Variants in FSTL4 observed in about 807,000 individuals in gnomAD.
FSTL4 encodes follistatin like 4.
In FSTL4, 28 loss-of-function variants were observed where a neutral mutation model predicts 78.2. The observed-to-expected ratio is 0.36, with a 90% confidence interval of 0.27 to 0.49. FSTL4 has a LOEUF of 0.49. Ranked by LOEUF, FSTL4 falls within the 20% of genes least tolerant of loss-of-function variation. The pLI, the probability that FSTL4 is intolerant of heterozygous loss-of-function variation, is 0.98. For synonymous variants in FSTL4, 422 were observed against 440.5 expected (o/e 0.96, Z 0.53); for missense variants, 922 against 1,084.9 (o/e 0.85, Z 2.11).
intron 2 of FSTL4, among the ~76,000 whole-genome samples, chr5:133,580,464 A>G (rs1436591247): frequency 2.0e-5 from 3 of 152,188 alleles, no homozygotes; most frequent in Non-Finnish European, 4.4e-5. Flanking sequence ...GTCCTTATGA[A>G]GCTTAGGATC....
chr5:133,526,775 C>A (rs11741183), intron 3 of FSTL4, among the ~76,000 whole-genome samples: 1 of 151,862 alleles, frequency 6.6e-6, no homozygotes, highest in African/African-American at 2.4e-5. Flanking sequence ...GGGATGAATG[C>A]GAAACAGGAG....
At chr5:133,723,843 C>A in the FSTL4 span, among the ~76,000 whole-genome samples, 3 of 152,184 alleles carry the variant, frequency 2.0e-5, no homozygotes, top group Non-Finnish European at 4.4e-5. Flanking sequence ...GCTGGGGAAC[C>A]ACTTCAGCTC....
At chr5:133,557,888 G>A (rs1759822668) in intron 3 of FSTL4, among the ~76,000 whole-genome samples, 1 of 152,210 alleles carries the variant, frequency 6.6e-6, no homozygotes, top group Non-Finnish European at 1.5e-5. Context: ...CACTGGTACA[G>A]TGTGCCCTTA....
At chr5:133,285,494 A>G (rs1753108719) in intron 6 of FSTL4, among the ~76,000 whole-genome samples, 1 of 152,154 alleles carries the variant, frequency 6.6e-6, no homozygotes, top group Non-Finnish European at 1.5e-5. Context: ...TTGGCCCTAA[A>G]ATATTACCCT....
At chr5:133,279,897 A>G (rs905169375) in intron 6 of FSTL4, among the ~76,000 whole-genome samples, 1 of 152,230 alleles carries the variant, frequency 6.6e-6, no homozygotes, top group African/African-American at 2.4e-5. Flanking sequence ...TTATGAGACG[A>G]GGAGAAGACA....
At chr5:133,226,471 A>C (rs1328168789) in intron 8 of FSTL4, among the ~76,000 whole-genome samples, 1 of 152,140 alleles carries the variant, frequency 6.6e-6, no homozygotes, top group African/African-American at 2.4e-5. Flanking sequence ...CCCTCCACAG[A>C]GCTCTGGCCC....
Position 133,611,522 on chromosome 5 carries a change from A to G in FSTL4, c.-11+803T>C, listed in dbSNP as rs1761091763. 6.6e-6 allele frequency among the ~76,000 whole-genome samples: 1 copy of G among 152,286 alleles called. No individual in the cohort carries two copies. The highest frequency in any genetic ancestry group is 2.4e-5 in the African/African-American group (1 of 41,570). ...AACTCGTCTTTGTTTTGCGGGCGCA[A>G]AGAGGGCGGAGATCATCCACAGTGC... On this transcript the variant is annotated intron_variant, in intron 1 of 15. Coordinates refer to ENST00000265342, the MANE Select transcript of FSTL4 (RefSeq NM_015082.2). This position sits in a 1 kb window ranked among gnomAD's most constrained non-coding sequence, Gnocchi z 4.9.
At chr5:133,233,622 C>G in intron 7 of FSTL4, 85 bp from the exon 8 acceptor site, 1 of 1,523,724 alleles carries the variant, frequency 6.6e-7, no homozygotes, top group South Asian at 1.2e-5. Context: ...TTCCAGAAAT[C>G]CTGCAGCTGG....
At chr5:133,590,371 A>T (rs369671543) in intron 2 of FSTL4, among the ~76,000 whole-genome samples, 63 of 152,306 alleles carry the variant, frequency 4.1e-4, no homozygotes, top group African/African-American at 1.4e-3. Context: ...AAGACTTTGT[A>T]TCTAGCTGGG....
At chr5:133,743,143 C>T in the FSTL4 span, among the ~76,000 whole-genome samples, 22 of 152,068 alleles carry the variant, frequency 1.4e-4, no homozygotes, top group Admixed American at 6.5e-5. Context: ...ACTCAGGGGG[C>T]CCTGGGCTGT....
rs557392583 is a variant in FSTL4, at chr5:133,260,567, A to G, written c.728-10991T>C. On this transcript the variant is annotated intron_variant, in intron 6 of 15. Coordinates refer to ENST00000265342, the MANE Select transcript of FSTL4 (RefSeq NM_015082.2). ...GCTGCCTTCTTTTTGTAGAGGAAAC[A>G]TTGCTCACAGCCTCCCGGCCCCTCT... 3.9e-5 allele frequency among the ~76,000 whole-genome samples: 6 copies of G among 152,160 alleles called. No homozygotes were observed. In the South Asian group the frequency reaches 1.2e-3, roughly 32 times the overall value.
At chr5:133,380,013 T>G (rs1755527706) in intron 4 of FSTL4, among the ~76,000 whole-genome samples, 2 of 151,896 alleles carry the variant, frequency 1.3e-5, no homozygotes, top group African/African-American at 4.8e-5. Context: ...AGACAGAGGT[T>G]GCAGTGAGCC....
chr5:133,595,526 G>T (rs1760719552), intron 2 of FSTL4, among the ~76,000 whole-genome samples: 1 of 152,358 alleles, frequency 6.6e-6, no homozygotes. Context: ...CACTCCACTG[G>T]AAAGAGGACC....
chr5:133,564,078 C>A lies in FSTL4; in HGVS notation c.160+3108G>T, dbSNP rs531835511. Among the ~76,000 whole-genome samples the A allele has an allele frequency of 2.6e-5, 4 of 152,244 alleles. No individual in the cohort carries two copies. The South Asian group carries it at 8.3e-4, about 32-fold the overall frequency. The stretch of plus-strand genomic sequence containing the variant: ...GGATGGAGGGTCCCTTGCAACTTGC[C>A]AGCTCATGGTGTTTGCCAGCAATTC... On this transcript the variant is annotated intron_variant, in intron 3 of 15. Coordinates refer to ENST00000265342, the MANE Select transcript of FSTL4 (RefSeq NM_015082.2).
intron 2 of FSTL4, among the ~76,000 whole-genome samples, chr5:133,601,666 T>G (rs1268906911): frequency 6.6e-6 from 1 of 150,904 alleles, no homozygotes; most frequent in South Asian, 2.1e-4. Flanking sequence ...TTCCTTCGAG[T>G]TTTTTCTTTT....
intron 3 of FSTL4, among the ~76,000 whole-genome samples, chr5:133,471,532 G>A (rs61436559): frequency 0.034 from 5,171 of 152,260 alleles, 287 homozygotes; most frequent in African/African-American, 0.12. Context: ...TCTGCCATGT[G>A]AGGACACAGC....
At chr5:133,742,526 T>G in the FSTL4 span, among the ~76,000 whole-genome samples, 1 of 152,074 alleles carries the variant, frequency 6.6e-6, no homozygotes, top group South Asian at 2.1e-4. Flanking sequence ...TCACTGGGCA[T>G]CCTTTCAGCA....
intron 3 of FSTL4, among the ~76,000 whole-genome samples, chr5:133,561,044 G>A (rs1290388944): frequency 1.3e-5 from 2 of 150,438 alleles, no homozygotes; most frequent in Admixed American, 6.6e-5. Context: ...AGCCGAGATC[G>A]CACCACTGCA....
the FSTL4 span, among the ~76,000 whole-genome samples, chr5:133,683,363 T>C: frequency 1.3e-5 from 2 of 151,630 alleles, no homozygotes; most frequent in African/African-American, 4.9e-5. Flanking sequence ...TTAGAATTCA[T>C]GAGCTCACAT....
Sources: gnomAD v4.1 joint callset for allele counts (sites outside exome capture counted in the v4.1 genomes callset) on GRCh38, gnomAD v4.1.1 for gene constraint, Gnocchi (gnomAD v3.1) non-coding constraint, MANE v1.5 for transcripts, NCBI Gene and HGNC (gene_info 2026-07-23, HGNC 2026-07-21) for gene names.